LMX1A: variants seen among roughly 807,000 people sequenced by gnomAD.
LMX1A encodes the protein LIM homeobox transcription factor 1-alpha.
Under a neutral mutation model 49.1 loss-of-function variants are expected in LMX1A, and 15 were observed. The ratio of observed to expected loss-of-function variants is 0.31; its 90% confidence interval spans 0.20 to 0.47. LMX1A has a LOEUF of 0.47. Ranked by LOEUF, LMX1A falls within the 20% of genes least tolerant of loss-of-function variation. The pLI is 1.00. For missense variants in LMX1A, 372 were observed against 475.8 expected (o/e 0.78, Z 2.03); for synonymous variants, 167 against 185.7 (o/e 0.90, Z 0.82).
At chr1:165,346,968 A>G (rs1397216967) in intron 3 of LMX1A, among the ~76,000 whole-genome samples, 3 of 152,188 alleles carry the variant, frequency 2.0e-5, no homozygotes, top group African/African-American at 4.8e-5. Flanking sequence ...GCTTCATTTT[A>G]GCAAGACAGT....
At chr1:165,310,933 A>C (rs2101733641) in intron 3 of LMX1A, among the ~76,000 whole-genome samples, 1 of 152,278 alleles carries the variant, frequency 6.6e-6, no homozygotes, top group Non-Finnish European at 1.5e-5. Flanking sequence ...CAATTAAAGA[A>C]CTTTATATGC....
intron 3 of LMX1A, among the ~76,000 whole-genome samples, chr1:165,294,143 G>T (rs900089520): frequency 1.3e-5 from 2 of 152,124 alleles, no homozygotes; most frequent in Non-Finnish European, 2.9e-5. Context: ...CAAGTCTGAC[G>T]CTAGCAACTG....
At chr1:165,224,617 CACA>C (rs1352554532) in intron 4 of LMX1A, among the ~76,000 whole-genome samples, 5 of 152,180 alleles carry the variant, frequency 3.3e-5, no homozygotes, top group African/African-American at 1.2e-4. Flanking sequence ...TCCTCCACAA[CACA>C]ACAACATACT....
At chr1:165,251,024 C>T (rs1653042400) in intron 3 of LMX1A, among the ~76,000 whole-genome samples, 2 of 87,290 alleles carry the variant, frequency 2.3e-5, no homozygotes, top group African/African-American at 6.8e-5. Context: ...TAAGTCATGA[C>T]CCAATCACAC....
At chr1:165,319,471 C>G (rs1655318719) in intron 3 of LMX1A, among the ~76,000 whole-genome samples, 1 of 151,968 alleles carries the variant, frequency 6.6e-6, no homozygotes, top group Non-Finnish European at 1.5e-5. Context: ...AATCCTCCCT[C>G]CAGTAATCTA....
chr1:165,304,471 G>A (rs1654868837), intron 3 of LMX1A, among the ~76,000 whole-genome samples: 1 of 152,172 alleles, frequency 6.6e-6, no homozygotes, highest in African/African-American at 2.4e-5. Flanking sequence ...GAGCATGCAG[G>A]ACTGGTTTGG....
At chr1:165,252,774 G>A (rs1255237261) in intron 3 of LMX1A, among the ~76,000 whole-genome samples, 5 of 152,146 alleles carry the variant, frequency 3.3e-5, no homozygotes, top group Non-Finnish European at 7.4e-5. Flanking sequence ...GCCTATCCAG[G>A]GAGATGAGGC....
intron 4 of LMX1A, among the ~76,000 whole-genome samples, chr1:165,236,267 C>T (rs1464258943): frequency 6.6e-6 from 1 of 152,124 alleles, no homozygotes; most frequent in African/African-American, 2.4e-5. Flanking sequence ...GGGCCAAGCC[C>T]GCGCACATAG....
intron 3 of LMX1A, among the ~76,000 whole-genome samples, chr1:165,274,707 C>A (rs553179617): frequency 1.3e-5 from 2 of 152,174 alleles, no homozygotes; most frequent in African/African-American, 4.8e-5. Flanking sequence ...TCCCTTGAAA[C>A]TTTATGGCAT....
chr1:165,310,805 C>T (rs1226289859), intron 3 of LMX1A, among the ~76,000 whole-genome samples: 1 of 152,226 alleles, frequency 6.6e-6, no homozygotes, highest in African/African-American at 2.4e-5. Flanking sequence ...CTTTCATCTG[C>T]ATTGCTCAGG....
intron 3 of LMX1A, among the ~76,000 whole-genome samples, chr1:165,333,520 AT>A (rs1351483334): frequency 1.3e-5 from 2 of 152,120 alleles, no homozygotes; most frequent in African/African-American, 4.8e-5. Flanking sequence ...CACTTTTCTC[AT>A]GGTGATACTC....
At chr1:165,320,530 C>T (rs564872372) in intron 3 of LMX1A, among the ~76,000 whole-genome samples, 2 of 152,274 alleles carry the variant, frequency 1.3e-5, no homozygotes, top group Admixed American at 6.5e-5. Context: ...GGTCACTGGC[C>T]ATATGGGTCT....
intron 7 of LMX1A, among the ~76,000 whole-genome samples, chr1:165,207,257 T>C (rs1010381953): frequency 8.5e-5 from 13 of 152,198 alleles, no homozygotes; most frequent in African/African-American, 3.1e-4. Flanking sequence ...CTGAGTTGGG[T>C]GGCCAGGGGC....
intron 3 of LMX1A, among the ~76,000 whole-genome samples, chr1:165,338,385 T>C (rs2101759723): frequency 6.6e-6 from 1 of 152,326 alleles, no homozygotes; most frequent in South Asian, 2.1e-4. Flanking sequence ...ATTGGGAAAG[T>C]CCTTTAATCC....
intron 3 of LMX1A, among the ~76,000 whole-genome samples, chr1:165,352,377 G>C (rs1207896989): frequency 6.6e-6 from 1 of 152,214 alleles, no homozygotes; most frequent in East Asian, 1.9e-4. Flanking sequence ...TAGGATGGCG[G>C]CACAGGTTGA....
intron 4 of LMX1A, among the ~76,000 whole-genome samples, chr1:165,222,732 C>T (rs530388187): frequency 5.3e-5 from 8 of 152,306 alleles, no homozygotes; most frequent in Non-Finnish European, 5.9e-5. Context: ...CTGCTTGAGC[C>T]CTTGGCTGAG....
rs1032772790 is a variant in LMX1A, at chr1:165,213,555, C to T, written c.669+86G>A. Reference sequence around the variant, plus strand: ...ACAGCCTTCCTCACCACTGTGACCCCCAATGCCCACTGAGATCCCAGAGGG... The same window carrying T: ...ACAGCCTTCCTCACCACTGTGACCCTCAATGCCCACTGAGATCCCAGAGGG... On this transcript the variant is annotated intron_variant, in intron 5 of 8. Coordinates refer to ENST00000342310, the MANE Select transcript of LMX1A (RefSeq NM_177398.4). 1.2e-5 allele frequency: 15 copies of T among 1,274,796 alleles called. 1 individual carries two copies. In the South Asian group the frequency reaches 2.0e-4, roughly 17 times the overall value. 79.0% of individuals were successfully genotyped at this position (1,274,796 alleles called of 1,614,324 possible).
At chr1:165,302,202 C>A (rs1179626867) in intron 3 of LMX1A, among the ~76,000 whole-genome samples, 1 of 137,002 alleles carries the variant, frequency 7.3e-6, no homozygotes, top group Non-Finnish European at 1.6e-5. Flanking sequence ...CATTGGGAGG[C>A]CGGTGGGGGG....
At chr1:165,220,480 G>A (rs892842736) in intron 4 of LMX1A, among the ~76,000 whole-genome samples, 7 of 152,130 alleles carry the variant, frequency 4.6e-5, no homozygotes, top group African/African-American at 1.7e-4. Flanking sequence ...AGCCTTTCAT[G>A]GCATGGAAGG....
Sources: gnomAD v4.1 joint callset for allele counts (sites outside exome capture counted in the v4.1 genomes callset) on GRCh38, gnomAD v4.1.1 for gene constraint, MANE v1.5 for transcripts, NCBI Gene and HGNC (gene_info 2026-07-23, HGNC 2026-07-21) for gene names.